The following TMEM156 variants were observed in gnomAD, a reference collection of about 807,000 sequenced individuals.
The protein encoded by TMEM156 is transmembrane protein 156.
Under a neutral mutation model 30.5 loss-of-function variants are expected in TMEM156, and 28 were observed. The ratio of observed to expected loss-of-function variants is 0.92; its 90% confidence interval spans 0.68 to 1.26. TMEM156 has a LOEUF of 1.26. TMEM156 is among the 50% of genes most tolerant of loss of function. The pLI, the probability that TMEM156 is intolerant of heterozygous loss-of-function variation, is 0.00. For missense variants in TMEM156, 351 were observed against 340.6 expected (o/e 1.03, Z -0.24); for synonymous variants, 137 against 119.9 (o/e 1.14, Z -0.93).
Position 39,002,175 on chromosome 4 carries a change from A to C in TMEM156, c.89-3266T>G, listed in dbSNP as rs1247213203. On this transcript the variant is annotated intron_variant, in intron 1 of 6. Transcript: ENST00000381938. ...TATCCAGAATCTACAATGAACTCAA[A>C]CAAATTTACAAGAAAAAAACAAACA... is the stretch of plus-strand genomic sequence containing the variant. Among the ~76,000 whole-genome samples the C allele has an allele frequency of 2.9e-3, 419 of 146,546 alleles. 5 individuals carry two copies. The highest frequency in any genetic ancestry group is 9.4e-3 in the African/African-American group (377 of 40,288).
At chr4:38,986,267 C>T in intron 5 of TMEM156, 69 bp downstream of exon 5, 2 of 1,052,838 alleles carry the variant, frequency 1.9e-6, no homozygotes, top group Non-Finnish European at 3.0e-6. Flanking sequence ...CTTGAGTTTA[C>T]TGTGTAGTGA....
At chr4:38,986,807 C>CAAAAAAAAAAAAAAAA (rs59087758) in intron 4 of TMEM156, among the ~76,000 whole-genome samples, 1 of 23,746 alleles carries the variant, frequency 4.2e-5, no homozygotes. Flanking sequence ...GACTCCATCT[C>CAAAAAAAAAAAAAAAA]AAAAAAAAAA....
intron 1 of TMEM156, among the ~76,000 whole-genome samples, chr4:39,021,367 C>A (rs1250113030): frequency 2.0e-5 from 3 of 150,936 alleles, no homozygotes; most frequent in African/African-American, 7.3e-5. Context: ...TACATTCCAG[C>A]CTGGGCAACA....
At chr4:38,980,891 T>C in intron 5 of TMEM156, 1 of 980,522 alleles carries the variant, frequency 1.0e-6, no homozygotes, top group Non-Finnish European at 1.2e-6. Context: ...CCATCAATTC[T>C]TCCAGGCCTG....
chr4:39,013,307 C>CA lies in TMEM156; in HGVS notation c.89-14399dup, dbSNP rs71192810. Among the ~76,000 whole-genome samples the CA allele has an allele frequency of 2.7e-3, 281 of 102,640 alleles. 3 individuals carry two copies. Among genetic ancestry groups the CA allele is most frequent in the East Asian group, 6.3e-3 (20 of 3,172 alleles). 67.3% of individuals were successfully genotyped at this position (102,640 alleles called of 152,430 possible). On this transcript the variant is annotated intron_variant, in intron 1 of 6. Transcript: ENST00000381938. ...TAGGCGACAGAGCCAGAACCTGTCT[C>CA]AAAAAAAAAAAAAGAAAGAAAGAAA... is the stretch of plus-strand genomic sequence containing the variant.
At chr4:38,970,908 G>C in intron 6 of TMEM156, 124 bp downstream of exon 6, 4 of 602,650 alleles carry the variant, frequency 6.6e-6, no homozygotes, top group Non-Finnish European at 1.2e-5. Context: ...CATATGAACT[G>C]ACTTTGCAAA....
intron 5 of TMEM156, among the ~76,000 whole-genome samples, chr4:38,981,900 CG>C (rs1434071168): frequency 6.6e-6 from 1 of 152,092 alleles, no homozygotes; most frequent in Non-Finnish European, 1.5e-5. Context: ...ATGGCTGACC[CG>C]TAGTCAGTAT....
At chr4:39,001,072 T>C (rs1453669674) in intron 1 of TMEM156, among the ~76,000 whole-genome samples, 11 of 151,824 alleles carry the variant, frequency 7.2e-5, no homozygotes, top group Admixed American at 7.2e-4. Context: ...AACCTATCTT[T>C]CAGAAATTCC....
chr4:38,988,956 T>C lies in TMEM156; in HGVS notation c.634A>G (p.Met212Val). ...EMDIKNITCS[M>V]KITWYILVLL... The stretch of plus-strand genomic sequence containing the variant: ...ACTAAAATATACCAAGTGATCTTCA[T>C]GGAACAAGTGATATCTGTAAAGAAA... The change falls in exon 4 of 7, where the codon ATG becomes GTG. Residue 212 changes from methionine to valine, a missense_variant. Transcript: ENST00000381938. The C allele has an allele frequency of 4.3e-6, 7 of 1,611,564 alleles. No homozygotes were observed. Among genetic ancestry groups the C allele is most frequent in the Non-Finnish European group, 5.9e-6 (7 of 1,178,366 alleles).
intron 2 of TMEM156, among the ~76,000 whole-genome samples, chr4:38,995,593 T>C (rs1345417988): frequency 1.3e-5 from 2 of 152,188 alleles, no homozygotes; most frequent in Non-Finnish European, 2.9e-5. Flanking sequence ...CGCACGCCTA[T>C]AATCCCAGCT....
At chr4:39,001,725 G>A (rs1244872791) in intron 1 of TMEM156, among the ~76,000 whole-genome samples, 3 of 147,268 alleles carry the variant, frequency 2.0e-5, no homozygotes, top group African/African-American at 4.9e-5. Context: ...CAGAAATAAC[G>A]CCGCATATCT....
At chr4:38,985,247 T>G (rs1202511109) in intron 5 of TMEM156, among the ~76,000 whole-genome samples, 1 of 152,226 alleles carries the variant, frequency 6.6e-6, no homozygotes, top group East Asian at 1.9e-4. Context: ...AATAAGATTT[T>G]CATTGACTGG....
chr4:38,986,724 C>T (rs1396333690), intron 4 of TMEM156, among the ~76,000 whole-genome samples: 1 of 136,416 alleles, frequency 7.3e-6, no homozygotes, highest in South Asian at 2.4e-4. Context: ...AAAAGAATCG[C>T]TTGAACCCAG....
intron 1 of TMEM156, among the ~76,000 whole-genome samples, chr4:39,011,920 AAAAC>A (rs1231361435): frequency 6.6e-6 from 1 of 152,238 alleles, no homozygotes; most frequent in Non-Finnish European, 1.5e-5. Context: ...CAGAAACAGA[AAAAC>A]AAATACCACA....
chr4:39,001,691 A>G (rs1713375842), intron 1 of TMEM156, among the ~76,000 whole-genome samples: 2 of 150,704 alleles, frequency 1.3e-5, no homozygotes, highest in South Asian at 2.1e-4. Flanking sequence ...AGAGATATAG[A>G]TCAATGGAAC....
chr4:38,993,754 T>C lies in TMEM156; in HGVS notation c.603A>G (p.Leu201=), dbSNP rs10212770. The change falls in exon 3 of 7, where the codon CTA becomes CTG. Residue 201 remains leucine (L), a synonymous_variant. Coordinates refer to ENST00000381938, the MANE Select transcript of TMEM156 (RefSeq NM_024943.3). ...PNDCIHISLH[L]EMDIKNITCS... is the part of the protein sequence containing the mutation. ...AAAACTTACTTTTTATATCCATCTCTAGGTGCAAAGAAATGTGTATACAAT... is the reference window on the plus strand; with the variant it reads ...AAAACTTACTTTTTATATCCATCTCCAGGTGCAAAGAAATGTGTATACAAT... 0.86 allele frequency: 1,381,845 copies of C among 1,611,112 alleles called. 594,385 individuals are homozygous for C. The highest frequency in any genetic ancestry group is 0.97 in the African/African-American group (73,010 of 74,970).
chr4:39,030,430 A>T (rs568025656), intron 1 of TMEM156, among the ~76,000 whole-genome samples: 1 of 152,272 alleles, frequency 6.6e-6, no homozygotes, highest in East Asian at 1.9e-4. Flanking sequence ...TGGATTTTAT[A>T]AGAGCTCTTT....
At position 39,024,397 on chromosome 4, in the gene TMEM156, C is replaced by T. The variant is rs59522270; in HGVS notation, c.88+7829G>A. ...TATCTGGTATGTGATAGTAGTTACA[C>T]AGGTGCACACGAATGTCAAAATTCA... On this transcript the variant is annotated intron_variant, in intron 1 of 6. Coordinates refer to ENST00000381938, the MANE Select transcript of TMEM156 (RefSeq NM_024943.3). 3.0e-3 allele frequency among the ~76,000 whole-genome samples: 452 copies of T among 152,252 alleles called. 4 individuals are homozygous for T. The highest frequency in any genetic ancestry group is 0.01 in the African/African-American group (435 of 41,544).
intron 1 of TMEM156, among the ~76,000 whole-genome samples, chr4:39,010,394 A>G (rs1714028110): frequency 6.6e-6 from 1 of 152,178 alleles, no homozygotes; most frequent in Admixed American, 6.6e-5. Flanking sequence ...AGAGAAAACT[A>G]TTCTAAAATT....
Sources: allele counts gnomAD v4.1 joint callset (sites outside exome capture counted in the v4.1 genomes callset), GRCh38; gene constraint gnomAD v4.1.1; transcripts MANE v1.5; gene names NCBI Gene and HGNC (gene_info 2026-07-23, HGNC 2026-07-21).